Variants in CSMD1 observed in about 807,000 individuals in gnomAD.
CSMD1 encodes CUB and sushi domain-containing protein 1.
A neutral mutation model predicts 417.5 loss-of-function variants in CSMD1; 213 were observed. The ratio of observed to expected loss-of-function variants is 0.51; its 90% confidence interval spans 0.46 to 0.57. CSMD1 has a LOEUF of 0.57. Among genes scored for constraint, CSMD1 ranks in the 20% least tolerant of loss-of-function variants. CSMD1 has a pLI of 0.00. For synonymous variants in CSMD1, 2,862 were observed against 1,736.8 expected, an observed-to-expected ratio of 1.65 and a Z score of -16.11; for missense variants, 6,923 against 4,529.7, an observed-to-expected ratio of 1.53 and a Z score of -15.17.
chr8:3,515,722 A>T (rs1797256060), intron 10 of CSMD1, among the ~76,000 whole-genome samples: 1 of 152,230 alleles, frequency 6.6e-6, no homozygotes, highest in South Asian at 2.1e-4. Flanking sequence ...GTTATTCAGC[A>T]TTCATTAATT....
chr8:4,422,262 G>A (rs778144291), intron 2 of CSMD1, among the ~76,000 whole-genome samples: 8 of 152,010 alleles, frequency 5.3e-5, no homozygotes, highest in Non-Finnish European at 8.8e-5. Flanking sequence ...AGTGTAAGTG[G>A]ATAGAATGCT....
At chr8:3,982,030 G>A (rs1314463526) in intron 5 of CSMD1, among the ~76,000 whole-genome samples, 1 of 151,790 alleles carries the variant, frequency 6.6e-6, no homozygotes, top group Non-Finnish European at 1.5e-5. Context: ...AATTAGCCTG[G>A]CGCGGTGACG....
intron 6 of CSMD1, among the ~76,000 whole-genome samples, chr8:3,747,385 T>TG (rs1238118780): frequency 3.7e-5 from 2 of 54,242 alleles, no homozygotes; most frequent in African/African-American, 9.6e-5. Context: ...TTGAAAACAC[T>TG]TTTTTCACAG....
chr8:3,999,094 A>G, intron 4 of CSMD1, among the ~76,000 whole-genome samples: 1 of 151,302 alleles, frequency 6.6e-6, no homozygotes, highest in Admixed American at 6.6e-5. Flanking sequence ...GTATTTTAAA[A>G]TAACATGTTT....
chr8:4,171,534 T>A (rs1427968147), intron 3 of CSMD1, among the ~76,000 whole-genome samples: 1 of 151,854 alleles, frequency 6.6e-6, no homozygotes, highest in African/African-American at 2.4e-5. Context: ...AGTTGACACT[T>A]AACAAATGTA....
chr8:3,863,612 T>C (rs917114143), intron 5 of CSMD1, among the ~76,000 whole-genome samples: 1 of 152,192 alleles, frequency 6.6e-6, no homozygotes, highest in Non-Finnish European at 1.5e-5. Flanking sequence ...TGCAGTAGGA[T>C]GTATGTTTTG....
intron 6 of CSMD1, among the ~76,000 whole-genome samples, chr8:3,732,744 G>C (rs1046888100): frequency 7.2e-5 from 11 of 152,110 alleles, no homozygotes; most frequent in African/African-American, 2.7e-4. Context: ...AGTAACACCT[G>C]ATAAACTCAA....
At chr8:3,506,134 G>A (rs758693102) in intron 10 of CSMD1, among the ~76,000 whole-genome samples, 68 of 152,260 alleles carry the variant, frequency 4.5e-4, no homozygotes, top group African/African-American at 1.4e-3. Flanking sequence ...AGGTGCGGCG[G>A]CCAGCAGAGG....
intron 8 of CSMD1, among the ~76,000 whole-genome samples, chr8:3,607,673 C>G (rs1298657148): frequency 1.3e-5 from 2 of 152,158 alleles, no homozygotes; most frequent in Non-Finnish European, 2.9e-5. Context: ...CAGTGTATGA[C>G]TGGATATTCT....
In CSMD1 at chr8:4,346,155, G is replaced by C. The variant is rs139878067; in HGVS notation, c.415+73798C>G. ...TTTCTACTCCAAACTCTCCATGCTG[G>C]TCAACTATGGTTAACAATCAAATAT... On this transcript the variant is annotated intron_variant, in intron 3 of 69. Transcript: ENST00000635120. 5.1e-4 allele frequency among the ~76,000 whole-genome samples: 78 copies of C among 152,222 alleles called. 2 individuals are homozygous for C. In the East Asian group the frequency reaches 0.014, roughly 27 times the overall value.
At chr8:3,487,373 T>C (rs901797232) in intron 11 of CSMD1, among the ~76,000 whole-genome samples, 11 of 151,994 alleles carry the variant, frequency 7.2e-5, no homozygotes, top group Non-Finnish European at 1.6e-4. Context: ...GGCTAATTTT[T>C]TGTATTTTTA....
chr8:3,361,007 T>C (rs1809126057), intron 20 of CSMD1, among the ~76,000 whole-genome samples: 1 of 152,186 alleles, frequency 6.6e-6, no homozygotes, highest in Non-Finnish European at 1.5e-5. Flanking sequence ...GTGGATACTT[T>C]CTGAATTATC....
intron 4 of CSMD1, among the ~76,000 whole-genome samples, chr8:4,022,317 G>A (rs1796830162): frequency 6.6e-6 from 1 of 151,872 alleles, no homozygotes; most frequent in Non-Finnish European, 1.5e-5. Context: ...GTATTATTTA[G>A]TGAACACCCC....
At chr8:3,410,517 G>C (rs927248305) in intron 12 of CSMD1, among the ~76,000 whole-genome samples, 2 of 152,126 alleles carry the variant, frequency 1.3e-5, no homozygotes, top group Non-Finnish European at 2.9e-5. Context: ...TTTTCTAAGG[G>C]GGAGTTGCCC....
intron 1 of CSMD1, among the ~76,000 whole-genome samples, chr8:4,962,616 A>T (rs1388258736): frequency 6.6e-6 from 1 of 152,166 alleles, no homozygotes; most frequent in African/African-American, 2.4e-5. Flanking sequence ...CCCAGATGCC[A>T]GTATTTCTAA....
chr8:4,143,723 T>A (rs1168269174), intron 3 of CSMD1, among the ~76,000 whole-genome samples: 2 of 150,796 alleles, frequency 1.3e-5, no homozygotes, highest in South Asian at 2.1e-4. Flanking sequence ...GAAAGAAACA[T>A]AGGAAGGAAG....
chr8:3,666,516 T>G (rs1185735159), intron 7 of CSMD1, among the ~76,000 whole-genome samples: 3 of 152,180 alleles, frequency 2.0e-5, no homozygotes, highest in Admixed American at 2.0e-4. Flanking sequence ...ATCTATTCTT[T>G]CAACAAGCCT....
intron 49 of CSMD1, among the ~76,000 whole-genome samples, chr8:3,071,187 T>C (rs6558711): frequency 3.2e-4 from 49 of 152,280 alleles, no homozygotes; most frequent in East Asian, 1.2e-3. Flanking sequence ...ACCTCCAGCA[T>C]TGGGCATTAC....
At chr8:4,083,550 G>GT (rs1484599774) in intron 3 of CSMD1, among the ~76,000 whole-genome samples, 3 of 152,118 alleles carry the variant, frequency 2.0e-5, no homozygotes, top group African/African-American at 4.8e-5. Context: ...ATTTACAACT[G>GT]TCTGATCTTT....
Sources: gnomAD v4.1 joint callset for allele counts (sites outside exome capture counted in the v4.1 genomes callset) on GRCh38, gnomAD v4.1.1 for gene constraint, MANE v1.5 for transcripts, NCBI Gene and HGNC (gene_info 2026-07-23, HGNC 2026-07-21) for gene names.